The following BTBD17 variants were observed in gnomAD, a reference collection of about 807,000 sequenced individuals.
BTBD17 encodes the protein BTB/POZ domain-containing protein 17.
A neutral mutation model predicts 36.9 loss-of-function variants in BTBD17; 26 were observed. The observed-to-expected ratio is 0.70, with a 90% CI of 0.52 to 0.98. BTBD17 has a LOEUF of 0.98. Ranked by LOEUF, BTBD17 falls within the 50% of genes least tolerant of loss-of-function variation. BTBD17 has a pLI of 0.00. For synonymous variants in BTBD17, 341 were observed against 338.0 expected (o/e 1.01, Z -0.10); for missense variants, 630 against 691.3 (o/e 0.91, Z 0.99).
At position 74,357,059 on chromosome 17, in the gene BTBD17, C is replaced by A. The variant is rs775686353; in HGVS notation, c.1035G>T (p.Pro345=). 2 of 1,532,906 alleles carry A rather than the reference C, an allele frequency of 1.3e-6. No individual in the cohort carries two copies. Among genetic ancestry groups the A allele is most frequent in the East Asian group, 2.6e-5 (1 of 38,394 alleles). The allele number at this position is 1,532,906 out of a possible 1,614,324, so 95.0% of individuals were successfully genotyped here. ...RSTSFQTQLG[P]SGHDAGRRVT... is the part of the protein sequence containing the mutation. ...CCCGGCGGCCCGCGTCGTGGCCACT[C>A]GGGCCCAGCTGCGTCTGGAAGCTGG... The change falls in exon 3 of 3, where the codon CCG becomes CCT. Residue 345 remains proline, a synonymous_variant. Coordinates refer to ENST00000375366, the MANE Select transcript of BTBD17 (RefSeq NM_001080466.2). This position sits in a 1 kb window ranked among gnomAD's most constrained non-coding sequence, Gnocchi z 8.4.
At position 74,356,779 on chromosome 17, in the gene BTBD17, C is replaced by T. The variant is rs374699731; in HGVS notation, c.1315G>A (p.Gly439Ser). The T allele has an allele frequency of 6.2e-7, 1 of 1,601,740 alleles. No individual in the cohort carries two copies. Among genetic ancestry groups the T allele is most frequent in the Non-Finnish European group, 8.5e-7 (1 of 1,175,358 alleles). The change falls in exon 3 of 3, where the codon GGC (glycine) becomes AGC (serine). Residue 439 changes from glycine to serine, a missense_variant. By Grantham distance (56) the Gly-to-Ser change is moderately conservative (BLOSUM62 0). Coordinates refer to ENST00000375366, the MANE Select transcript of BTBD17 (RefSeq NM_001080466.2). This position sits in a 1 kb window ranked among gnomAD's most constrained non-coding sequence, Gnocchi z 4.3. The part of the protein sequence containing the change: ...YSFHQSSEEA[G>S]DFLAHADLQR... ...AGGTCGGCGTGCGCCAGGAAGTCGC[C>T]GGCCTCCTCGCTGCTCTGGTGGAAG...
At position 74,356,858 on chromosome 17, in the gene BTBD17, C is replaced by T. The variant is rs996264539; in HGVS notation, c.1236G>A (p.Thr412=). The change falls in exon 3 of 3, where the codon ACG becomes ACA. Residue 412 remains threonine, a synonymous_variant. Coordinates refer to ENST00000375366, the MANE Select transcript of BTBD17 (RefSeq NM_001080466.2). This position sits in a 1 kb window ranked among gnomAD's most constrained non-coding sequence, Gnocchi z 4.3. ...GDAAGVSFQK[T]VLVGARQQGR... is the part of the protein sequence containing the mutation. ...CCTGCTGGCGCGCCCCCACCAGCAC[C>T]GTCTTCTGGAAGCTCACGCCCGCCG... 4 of 1,538,116 alleles carry T rather than the reference C, an allele frequency of 2.6e-6. No homozygotes were observed. Among genetic ancestry groups the T allele is most frequent in the South Asian group, 2.4e-5 (2 of 83,370 alleles).
Position 74,357,735 on chromosome 17 carries a change from C to T in BTBD17, c.363-4G>A. On this transcript the variant is annotated splice_polypyrimidine_tract_variant and splice_region_variant and intron_variant, in intron 2 of 2. Transcript: ENST00000375366. The surrounding 1 kb of genome is among the most constrained non-coding windows in gnomAD (Gnocchi z 8.4). The stretch of plus-strand genomic sequence containing the variant: ...CAGCTCCCCGCAGTACAGGTACCTG[C>T]GGGAGAGACCGAGAGGTGGGGCGGG... 11 of 1,525,500 alleles carry T rather than the reference C, an allele frequency of 7.2e-6. No individual in the cohort carries two copies. The highest frequency in any genetic ancestry group is 8.8e-6 in the Non-Finnish European group (10 of 1,137,034). 94.5% of individuals were successfully genotyped at this position (1,525,500 alleles called of 1,614,324 possible). A position where few individuals can be genotyped will look rare whatever the true frequency, so the allele number is the denominator to read the frequency against.
chr17:74,359,665 A>C (rs2054923202), intron 2 of BTBD17, among the ~76,000 whole-genome samples: 1 of 152,228 alleles, frequency 6.6e-6, no homozygotes, highest in Non-Finnish European at 1.5e-5. Flanking sequence ...CTGGGATTAC[A>C]GGCATGAGCC....
At chr17:74,359,633 CCTGCCT>C (rs1291978186) in intron 2 of BTBD17, among the ~76,000 whole-genome samples, 1 of 152,220 alleles carries the variant, frequency 6.6e-6, no homozygotes, top group East Asian at 1.9e-4. Context: ...AAGTGATCCA[CCTGCCT>C]CAGCCTCCCA....
intron 2 of BTBD17, among the ~76,000 whole-genome samples, chr17:74,359,654 G>T (rs1598406587): frequency 6.6e-6 from 1 of 152,164 alleles, no homozygotes; most frequent in East Asian, 1.9e-4. Flanking sequence ...CTCCCAAATT[G>T]CTGGGATTAC....
chr17:74,359,336 G>A (rs1418649795), intron 2 of BTBD17, among the ~76,000 whole-genome samples: 3 of 152,200 alleles, frequency 2.0e-5, no homozygotes, highest in South Asian at 4.1e-4. Flanking sequence ...GTTGGGATCC[G>A]TGAAACTGTA....
chr17:74,360,034 A>C lies in BTBD17; in HGVS notation c.297T>G (p.Ser99Arg), dbSNP rs766615778. The C allele has an allele frequency of 6.2e-6, 10 of 1,612,910 alleles. No individual in the cohort carries two copies. Among genetic ancestry groups the C allele is most frequent in the Non-Finnish European group, 8.5e-6 (10 of 1,180,028 alleles). Residue 99 changes from serine to arginine, a missense_variant, in exon 2 of 3, where the codon AGT becomes AGG. Coordinates refer to ENST00000375366, the MANE Select transcript of BTBD17 (RefSeq NM_001080466.2). ...CCTGCAGCACCGCCTCGCTCTGGTT[A>C]CTTAGCAGCTCCAGGAACAGCTCAC... is the stretch of plus-strand genomic sequence containing the variant. ...LHSELFLELL[S>R]NQSEAVLQEP...
In BTBD17 at chr17:74,356,903, C is replaced by A; in HGVS notation, c.1191G>T (p.Pro397=). 1 of 1,462,144 alleles carries A rather than the reference C, an allele frequency of 6.8e-7. No homozygotes were observed. Among genetic ancestry groups the A allele is most frequent in the Non-Finnish European group, 9.0e-7 (1 of 1,116,318 alleles). 90.6% of individuals were successfully genotyped at this position (1,462,144 alleles called of 1,614,324 possible). A position where few individuals can be genotyped will look rare whatever the true frequency, so the allele number is the denominator to read the frequency against. Residue 397 remains proline (P), a synonymous_variant, in exon 3 of 3, where the codon CCG becomes CCT. Transcript: ENST00000375366. The surrounding 1 kb of genome is among the most constrained non-coding windows in gnomAD (Gnocchi z 4.3). The part of the protein sequence containing the change: ...EDGRPRLVVT[P]ASSGGDAAGV... ...CCGCCGCGTCGCCGCCGCTGCTGGCCGGCGTCACCACCAGCCGCGGTCGGC... is the reference window on the plus strand; with the variant it reads ...CCGCCGCGTCGCCGCCGCTGCTGGCAGGCGTCACCACCAGCCGCGGTCGGC...
chr17:74,362,004 C>T, upstream of BTBD17: 1 of 562,324 alleles, frequency 1.8e-6, no homozygotes, highest in Non-Finnish European at 3.2e-6. Context: ...GCCCAGGCAA[C>T]CACTTAAGCC....
At chr17:74,360,373 G>T (rs565524541) in intron 1 of BTBD17, 128 bp from the exon 2 acceptor site, 1 of 955,822 alleles carries the variant, frequency 1.0e-6, no homozygotes, top group Non-Finnish European at 1.5e-6. Flanking sequence ...GGCCTAGGCG[G>T]GTTGTATGTG....
chr17:74,358,967 CT>C (rs1276343208), intron 2 of BTBD17, among the ~76,000 whole-genome samples: 1 of 152,202 alleles, frequency 6.6e-6, no homozygotes, highest in African/African-American at 2.4e-5. Context: ...CAGGAAGACC[CT>C]TTTTGCCCTT....
At chr17:74,362,965 C>CGCGTGTGTGTGTGT (rs112779081), upstream of BTBD17, among the ~76,000 whole-genome samples, 1 of 145,908 alleles carries the variant, frequency 6.9e-6, no homozygotes, top group Non-Finnish European at 1.5e-5. Flanking sequence ...AGCGCGCGCG[C>CGCGTGTGTGTGTGT]ATGTGTGTGT....
upstream of BTBD17, chr17:74,361,895 A>C: frequency 8.1e-7 from 1 of 1,239,742 alleles, no homozygotes; most frequent in Non-Finnish European, 1.2e-6. Context: ...TCTTCCTTAT[A>C]TAGGATCCGG....
intron 1 of BTBD17, 94 bp from the exon 2 acceptor site, chr17:74,360,339 T>C: frequency 7.3e-7 from 1 of 1,367,160 alleles, no homozygotes; most frequent in Non-Finnish European, 1.0e-6. Context: ...GACATATGCA[T>C]GGGTGTGAGC....
chr17:74,359,372 G>T lies in BTBD17; in HGVS notation c.362+597C>A, dbSNP rs560225906. On this transcript the variant is annotated intron_variant, in intron 2 of 2. Coordinates refer to ENST00000375366, the MANE Select transcript of BTBD17 (RefSeq NM_001080466.2). ...GTTTTTTTGTTTGTTTGTTTGGTTG[G>T]TTGGTTGGTTGGTTGGTTGATTTTT... Among the ~76,000 whole-genome samples the T allele has an allele frequency of 3.8e-4, 57 of 150,502 alleles. 1 individual carries two copies. The highest frequency in any genetic ancestry group is 9.6e-4 in the East Asian group (5 of 5,190).
Position 74,357,023 on chromosome 17 carries a change from G to A in BTBD17, c.1071C>T (p.Asn357=), listed in dbSNP as rs1241678527. ...GHDAGRRVTW[N]VLFSPRWLPV... ...GCAGCCAGCGCGGCGAGAAGAGCAC[G>A]TTCCAGGTGACCCGGCGGCCCGCGT... Residue 357 remains asparagine, a synonymous_variant, in exon 3 of 3, where the codon AAC becomes AAT. Transcript: ENST00000375366. This position sits in a 1 kb window ranked among gnomAD's most constrained non-coding sequence, Gnocchi z 8.4. The A allele has an allele frequency of 5.9e-6, 9 of 1,524,270 alleles. 1 individual carries two copies. The Middle Eastern group carries it at 9.7e-4, about 165-fold the overall frequency. The allele number at this position is 1,524,270 out of a possible 1,614,324, so 94.4% of individuals were successfully genotyped here. A position where few individuals can be genotyped will look rare whatever the true frequency, so the allele number is the denominator to read the frequency against.
intron 2 of BTBD17, among the ~76,000 whole-genome samples, chr17:74,359,268 A>G (rs1195432292): frequency 6.6e-6 from 1 of 152,078 alleles, no homozygotes; most frequent in East Asian, 1.9e-4. Context: ...GTAAATAAAT[A>G]AAATAAAATA....
At position 74,356,766 on chromosome 17, in the gene BTBD17, G is replaced by T. The variant is rs1287161908; in HGVS notation, c.1328C>A (p.Ala443Glu). 6.2e-7 allele frequency: 1 copy of T among 1,602,010 alleles called. No homozygotes were observed. The highest frequency in any genetic ancestry group is 8.5e-7 in the Non-Finnish European group (1 of 1,175,210). The change falls in exon 3 of 3, where the codon GCG becomes GAG. Residue 443 changes from alanine (A) to glutamate (E), a missense_variant. By Grantham distance (107) the Ala-to-Glu change is moderately radical. Transcript: ENST00000375366. The surrounding 1 kb of genome is among the most constrained non-coding windows in gnomAD (Gnocchi z 4.3). ...GTTGCGCCGCTGCAGGTCGGCGTGCGCCAGGAAGTCGCCGGCCTCCTCGCT... is the reference window on the plus strand; with the variant it reads ...GTTGCGCCGCTGCAGGTCGGCGTGCTCCAGGAAGTCGCCGGCCTCCTCGCT... ...QSSEEAGDFL[A>E]HADLQRRNSE... is the part of the protein sequence containing the mutation.
Sources: gnomAD v4.1 joint callset for allele counts (sites outside exome capture counted in the v4.1 genomes callset) on GRCh38, gnomAD v4.1.1 for gene constraint, Gnocchi (gnomAD v3.1) non-coding constraint, MANE v1.5 for transcripts, NCBI Gene and HGNC (gene_info 2026-07-23, HGNC 2026-07-21) for gene names.